Variants in MCPH1 observed in about 807,000 individuals in gnomAD.
MCPH1 encodes microcephalin.
A neutral mutation model predicts 84.5 loss-of-function variants in MCPH1; 104 were observed. That is an observed-to-expected ratio of 1.23 (90% CI 1.05 to 1.45). MCPH1 has a LOEUF of 1.45. Among genes scored for constraint, MCPH1 ranks in the 40% most tolerant of loss-of-function variants. The pLI is 0.00. For missense variants in MCPH1, 1,498 were observed against 1,005.7 expected (o/e 1.49, Z -6.62); for synonymous variants, 514 against 366.8 (o/e 1.40, Z -4.58).
chr8:6,532,653 A>G (rs1038009000), intron 12 of MCPH1, among the ~76,000 whole-genome samples: 3 of 150,654 alleles, frequency 2.0e-5, no homozygotes, highest in African/African-American at 7.3e-5. Flanking sequence ...TTTTATCATT[A>G]GGAAAATACA....
intron 3 of MCPH1, among the ~76,000 whole-genome samples, chr8:6,415,295 CT>C (rs55718615): frequency 6.9e-6 from 1 of 145,224 alleles, no homozygotes; most frequent in Non-Finnish European, 1.5e-5. Context: ...TTGGTATCTT[CT>C]TTTTTTTTTG....
chr8:6,623,688 C>CAAAAAAAAAAAAAAAAAAAA (rs377522481), intron 13 of MCPH1, among the ~76,000 whole-genome samples: 1 of 92,420 alleles, frequency 1.1e-5, no homozygotes, highest in African/African-American at 4.6e-5. Flanking sequence ...AACCAACTTC[C>CAAAAAAAAAAAAAAAAAAAA]AAAAAAAAAA....
intron 12 of MCPH1, among the ~76,000 whole-genome samples, chr8:6,541,194 T>A (rs1483412723): frequency 1.3e-5 from 2 of 152,158 alleles, no homozygotes; most frequent in Non-Finnish European, 2.9e-5. Flanking sequence ...GAGGGTGAAT[T>A]CTGAGCAGCA....
chr8:6,607,791 G>A (rs756441238), intron 12 of MCPH1, among the ~76,000 whole-genome samples: 19 of 152,246 alleles, frequency 1.2e-4, no homozygotes, highest in African/African-American at 2.9e-4. Flanking sequence ...ACCTTCTGCC[G>A]TGATTGTGAG....
At chr8:6,639,467 C>A (rs761106809) in intron 13 of MCPH1, among the ~76,000 whole-genome samples, 1 of 152,046 alleles carries the variant, frequency 6.6e-6, no homozygotes, top group African/African-American at 2.4e-5. Flanking sequence ...TTGAGACCAG[C>A]CTTGGCAACA....
chr8:6,527,445 AC>A, intron 12 of MCPH1: 1 of 1,371,038 alleles, frequency 7.3e-7, no homozygotes, highest in Non-Finnish European at 9.9e-7. Flanking sequence ...TCTGACCCTT[AC>A]ACTAGACATG....
intron 12 of MCPH1, chr8:6,507,924 C>G (rs943835726): frequency 6.6e-6 from 1 of 152,134 alleles, no homozygotes; most frequent in Non-Finnish European, 1.5e-5. Context: ...TATGTTTGAA[C>G]TCTCAAATGT....
chr8:6,635,993 T>C (rs1797520621), intron 13 of MCPH1, among the ~76,000 whole-genome samples: 1 of 152,228 alleles, frequency 6.6e-6, no homozygotes, highest in Non-Finnish European at 1.5e-5. Flanking sequence ...TACTGTGAAG[T>C]ACTTATGTGT....
intron 8 of MCPH1, chr8:6,445,756 G>A: frequency 7.4e-7 from 1 of 1,358,728 alleles, no homozygotes; most frequent in Non-Finnish European, 9.4e-7. Flanking sequence ...TATTGGTTAA[G>A]TCTGTTAGGA....
chr8:6,478,542 C>G (rs537241413), intron 10 of MCPH1, among the ~76,000 whole-genome samples: 1 of 152,228 alleles, frequency 6.6e-6, no homozygotes, highest in African/African-American at 2.4e-5. Flanking sequence ...AGGCCGTCTT[C>G]TTGTCTTACT....
At chr8:6,568,588 C>T (rs1826410736) in intron 12 of MCPH1, among the ~76,000 whole-genome samples, 1 of 152,212 alleles carries the variant, frequency 6.6e-6, no homozygotes, top group South Asian at 2.1e-4. Context: ...CAACCTGTAC[C>T]ATCCCAGCAA....
chr8:6,550,427 C>CT (rs1563110713), intron 12 of MCPH1, among the ~76,000 whole-genome samples: 2 of 152,250 alleles, frequency 1.3e-5, no homozygotes, highest in African/African-American at 4.8e-5. Context: ...GCTTGTTGCC[C>CT]TGGCACCAAG....
At chr8:6,631,788 A>G (rs1456835459) in intron 13 of MCPH1, among the ~76,000 whole-genome samples, 1 of 152,238 alleles carries the variant, frequency 6.6e-6, no homozygotes, top group Non-Finnish European at 1.5e-5. Flanking sequence ...CAGTTCATCA[A>G]AAAATGAAAA....
At chr8:6,562,758 G>A in intron 12 of MCPH1, 1 of 1,613,910 alleles carries the variant, frequency 6.2e-7, no homozygotes, top group East Asian at 2.2e-5. Context: ...TGGACACGTA[G>A]GGGCTGGAGG....
At chr8:6,452,435 C>T (rs765773660) in intron 8 of MCPH1, among the ~76,000 whole-genome samples, 2 of 152,148 alleles carry the variant, frequency 1.3e-5, no homozygotes, top group Non-Finnish European at 2.9e-5. Flanking sequence ...TTGATCATTT[C>T]GTGAAAACGA....
intron 12 of MCPH1, among the ~76,000 whole-genome samples, chr8:6,605,893 C>T (rs929575906): frequency 1.3e-5 from 2 of 152,056 alleles, no homozygotes; most frequent in Non-Finnish European, 2.9e-5. Flanking sequence ...AGATGGGTTT[C>T]TCCATGTTGG....
intron 8 of MCPH1, among the ~76,000 whole-genome samples, chr8:6,449,453 G>C (rs1804816772): frequency 6.6e-6 from 1 of 152,112 alleles, no homozygotes; most frequent in South Asian, 2.1e-4. Context: ...GACCAACATA[G>C]TGAAACCCCA....
chr8:6,540,077 A>G (rs1021613436), intron 12 of MCPH1, among the ~76,000 whole-genome samples: 69 of 152,200 alleles, frequency 4.5e-4, no homozygotes, highest in Non-Finnish European at 1.5e-5. Flanking sequence ...CCTCCTGTGG[A>G]TAGGTACACC....
In MCPH1 at chr8:6,419,442, T is replaced by C. The variant is rs60046296; in HGVS notation, c.233+4559T>C. On this transcript the variant is annotated intron_variant, in intron 3 of 13. Transcript: ENST00000344683. ...TGAGATGGAGTCTTGCTCTGTGGCC[T>C]AGTGCAGTGGCGCAATCTCGGCTCA... 1.1e-3 allele frequency among the ~76,000 whole-genome samples: 166 copies of C among 152,018 alleles called. 3 individuals carry two copies. In the East Asian group the frequency reaches 0.029, roughly 27 times the overall value.
Sources: allele counts gnomAD v4.1 joint callset (sites outside exome capture counted in the v4.1 genomes callset), GRCh38; gene constraint gnomAD v4.1.1; transcripts MANE v1.5; gene names NCBI Gene and HGNC (gene_info 2026-07-23, HGNC 2026-07-21).